Variants in TRABD2B observed in about 807,000 individuals in gnomAD.
TRABD2B encodes the protein TraB domain containing 2B.
A neutral mutation model predicts 40.1 loss-of-function variants in TRABD2B; 14 were observed. That is an observed-to-expected ratio of 0.35 (90% CI 0.23 to 0.55). The LOEUF (loss-of-function observed/expected upper bound fraction) is 0.55, where lower values mean the gene tolerates loss of function less well. Among genes scored for constraint, TRABD2B ranks in the 20% least tolerant of loss-of-function variants. The pLI, the probability that TRABD2B is intolerant of heterozygous loss-of-function variation, is 0.90. For synonymous variants in TRABD2B, 263 were observed against 277.0 expected (o/e 0.95, Z 0.50); for missense variants, 541 against 648.6 (o/e 0.83, Z 1.80).
chr1:47,820,416 G>C (rs1645089550), intron 2 of TRABD2B, among the ~76,000 whole-genome samples: 1 of 152,192 alleles, frequency 6.6e-6, no homozygotes, highest in Non-Finnish European at 1.5e-5. Flanking sequence ...AGAGGGGCAG[G>C]GGCCTGTCCA....
chr1:47,762,554 C>T lies in TRABD2B; in HGVS notation c.*3348G>A, dbSNP rs1644255152. ...CCTGAGCACCTAGGCTTGTCCAGGT[C>T]TAGCCGAGGCCAGGAAGTTGTAGAT... On this transcript the variant is annotated 3_prime_UTR_variant, in exon 7 of 7. Transcript: ENST00000606738. The T allele has an allele frequency of 6.6e-6, 1 of 152,216 alleles. No individual in the cohort carries two copies. Among genetic ancestry groups the T allele is most frequent in the South Asian group, 2.1e-4 (1 of 4,834 alleles). The allele number at this position is 152,216 out of a possible 1,614,324, so 9.4% of individuals were successfully genotyped here.
rs528551382 is a variant in TRABD2B, at chr1:47,788,316, C to T, written c.988+6270G>A. On this transcript the variant is annotated intron_variant, in intron 4 of 6. Coordinates refer to ENST00000606738, the MANE Select transcript of TRABD2B (RefSeq NM_001194986.2). The stretch of plus-strand genomic sequence containing the variant: ...CCTTCTCTCAAGCCTGGGTGCTTAC[C>T]TCTGATCTGCTTCTGTGTCCCAGCT... 2.0e-4 allele frequency among the ~76,000 whole-genome samples: 31 copies of T among 152,266 alleles called. No homozygotes were observed. In the East Asian group the frequency reaches 5.8e-3, roughly 28 times the overall value.
At chr1:47,903,983 G>A (rs1160419702) in intron 2 of TRABD2B, among the ~76,000 whole-genome samples, 1 of 152,288 alleles carries the variant, frequency 6.6e-6, no homozygotes, top group Non-Finnish European at 1.5e-5. Context: ...CACCCACTGA[G>A]CACAACCTTT....
At chr1:47,972,240 C>G (rs961863808) in intron 2 of TRABD2B, among the ~76,000 whole-genome samples, 1 of 152,206 alleles carries the variant, frequency 6.6e-6, no homozygotes, top group African/African-American at 2.4e-5. Flanking sequence ...TCCCCCACTA[C>G]CCATGGGAGC....
intron 2 of TRABD2B, among the ~76,000 whole-genome samples, chr1:47,830,570 A>G (rs1422209651): frequency 6.6e-6 from 1 of 152,248 alleles, no homozygotes; most frequent in Non-Finnish European, 1.5e-5. Context: ...ATCTTTGAGG[A>G]TTAAACAATG....
intron 2 of TRABD2B, 66 bp downstream of exon 2, chr1:47,993,968 A>G (rs1646050145): frequency 2.1e-6 from 3 of 1,426,610 alleles, no homozygotes; most frequent in Admixed American, 2.4e-5. Context: ...GAGAAGAAAG[A>G]CAATCAGAGA....
intron 2 of TRABD2B, among the ~76,000 whole-genome samples, chr1:47,990,787 A>T (rs1407911431): frequency 4.9e-4 from 9 of 18,360 alleles, no homozygotes; most frequent in Admixed American, 5.5e-4. Flanking sequence ...ATATATATAT[A>T]TATATATATA....
intron 2 of TRABD2B, among the ~76,000 whole-genome samples, chr1:47,947,429 T>C (rs1645274815): frequency 2.0e-5 from 3 of 152,160 alleles, no homozygotes; most frequent in South Asian, 4.1e-4. Flanking sequence ...ATTAGCATAA[T>C]GGCGTCATTA....
At chr1:47,949,124 TAGTA>T (rs1324350004) in intron 2 of TRABD2B, among the ~76,000 whole-genome samples, 1 of 152,174 alleles carries the variant, frequency 6.6e-6, no homozygotes, top group Non-Finnish European at 1.5e-5. Flanking sequence ...TGCTAATACA[TAGTA>T]AGAGTAACTG....
At chr1:47,906,215 T>C (rs1644675500) in intron 2 of TRABD2B, among the ~76,000 whole-genome samples, 1 of 152,234 alleles carries the variant, frequency 6.6e-6, no homozygotes, top group Non-Finnish European at 1.5e-5. Context: ...GTGCACACAG[T>C]GTACCAGCCA....
At chr1:47,895,783 T>C (rs560920146) in intron 2 of TRABD2B, among the ~76,000 whole-genome samples, 2 of 152,288 alleles carry the variant, frequency 1.3e-5, no homozygotes, top group East Asian at 3.9e-4. Context: ...AGGGCAGAGA[T>C]TTCCTCAGGT....
chr1:47,798,004 T>C (rs980901723), intron 3 of TRABD2B, among the ~76,000 whole-genome samples: 16 of 152,110 alleles, frequency 1.1e-4, no homozygotes, highest in Non-Finnish European at 2.9e-5. Flanking sequence ...CTGCACCCCT[T>C]CCCTGTAGCC....
chr1:47,919,639 C>G (rs1301467610), intron 2 of TRABD2B, among the ~76,000 whole-genome samples: 2 of 152,200 alleles, frequency 1.3e-5, no homozygotes, highest in Non-Finnish European at 2.9e-5. Context: ...TTTGTGAGGA[C>G]CATCTAGTGG....
intron 6 of TRABD2B, among the ~76,000 whole-genome samples, chr1:47,769,769 T>C (rs1269499692): frequency 9.9e-5 from 15 of 152,260 alleles, no homozygotes; most frequent in Admixed American, 9.8e-4. Context: ...AGAGGCCCTC[T>C]GCTTGGGCAG....
chr1:47,929,037 T>C (rs1463277856), intron 2 of TRABD2B, among the ~76,000 whole-genome samples: 2 of 152,394 alleles, frequency 1.3e-5, no homozygotes, highest in East Asian at 3.9e-4. Context: ...CCTCAAGGCC[T>C]TTACACATGC....
chr1:47,960,253 A>C (rs1350620709), intron 2 of TRABD2B, among the ~76,000 whole-genome samples: 1 of 152,194 alleles, frequency 6.6e-6, no homozygotes, highest in Non-Finnish European at 1.5e-5. Context: ...CCCACAGCCC[A>C]TATCATACTG....
At chr1:47,817,029 C>T (rs1645041926) in intron 2 of TRABD2B, among the ~76,000 whole-genome samples, 1 of 152,094 alleles carries the variant, frequency 6.6e-6, no homozygotes, top group Admixed American at 6.5e-5. Context: ...TTCTCGTATC[C>T]CAGTACCTAG....
chr1:47,899,234 T>G (rs1406245465), intron 2 of TRABD2B, among the ~76,000 whole-genome samples: 3 of 152,220 alleles, frequency 2.0e-5, no homozygotes, highest in African/African-American at 4.8e-5. Flanking sequence ...GATCTTGGCA[T>G]GCATGTTGGT....
At chr1:47,962,124 A>G (rs1645526977) in intron 2 of TRABD2B, among the ~76,000 whole-genome samples, 1 of 151,996 alleles carries the variant, frequency 6.6e-6, no homozygotes, top group South Asian at 2.1e-4. Flanking sequence ...CAGAAAGCCA[A>G]ACACCACATG....
Sources: gnomAD v4.1 joint callset for allele counts (sites outside exome capture counted in the v4.1 genomes callset) on GRCh38, gnomAD v4.1.1 for gene constraint, MANE v1.5 for transcripts, NCBI Gene and HGNC (gene_info 2026-07-23, HGNC 2026-07-21) for gene names.